DAB1: variants seen among roughly 807,000 people sequenced by gnomAD.
DAB1 encodes DAB adaptor protein 1, also known as disabled homolog 1.
Under a neutral mutation model 64.6 loss-of-function variants are expected in DAB1, and 15 were observed. The ratio of observed to expected loss-of-function variants is 0.23; its 90% CI spans 0.16 to 0.36. The LOEUF (loss-of-function observed/expected upper bound fraction) is 0.36. Ranked by LOEUF, DAB1 falls within the 10% of genes least tolerant of loss-of-function variation. DAB1 has a pLI of 1.00. For missense variants in DAB1, 596 were observed against 706.7 expected (o/e 0.84, Z 1.78); for synonymous variants, 235 against 251.9 (o/e 0.93, Z 0.64).
chr1:58,133,153 T>G (rs1216667856), intron 5 of DAB1, among the ~76,000 whole-genome samples: 1 of 152,246 alleles, frequency 6.6e-6, no homozygotes, highest in Non-Finnish European at 1.5e-5. Context: ...ACACAAGGGC[T>G]TTCTGTTCTG....
intron 7 of DAB1, among the ~76,000 whole-genome samples, chr1:57,506,700 C>T (rs957838933): frequency 6.6e-6 from 1 of 152,156 alleles, no homozygotes; most frequent in African/African-American, 2.4e-5. Flanking sequence ...GTCCCTCTCA[C>T]ATTTCAAACC....
intron 3 of DAB1, chr1:58,415,392 T>C: frequency 4.1e-6 from 1 of 243,734 alleles, no homozygotes. Context: ...TACTGAAGGT[T>C]TTAATAAAAG....
In DAB1 at chr1:57,037,625, A is replaced by G. The variant is rs555359725; in HGVS notation, c.724-11582T>C. Among the ~76,000 whole-genome samples the G allele has an allele frequency of 3.9e-5, 6 of 152,394 alleles. No homozygotes were observed. In the South Asian group the frequency reaches 1.2e-3, roughly 32 times the overall value. ...CTACAGATTCCAGGCATCTGAATGC[A>G]TGTTACATTTCCCTAATGAAGGATT... On this transcript the variant is annotated intron_variant, in intron 9 of 14. Transcript: ENST00000371236.
intron 3 of DAB1, among the ~76,000 whole-genome samples, chr1:58,359,839 G>C (rs1297018065): frequency 6.6e-6 from 1 of 152,194 alleles, no homozygotes; most frequent in East Asian, 1.9e-4. Context: ...TCATGGCACT[G>C]AAAGTGTACA....
chr1:58,313,819 ATGTGTGTGTGTGTGTGTG>A (rs35817738), intron 4 of DAB1, among the ~76,000 whole-genome samples: 1 of 119,976 alleles, frequency 8.3e-6, no homozygotes, highest in Non-Finnish European at 1.7e-5. Flanking sequence ...TTGTATCTTC[ATGTGTGTGTGTGTGTGTG>A]TGTGTGTGTG....
chr1:57,574,334 C>T (rs1276698948), intron 7 of DAB1, among the ~76,000 whole-genome samples: 3 of 152,098 alleles, frequency 2.0e-5, no homozygotes, highest in African/African-American at 7.2e-5. Flanking sequence ...GGCTGCTGCT[C>T]AACAGGATGT....
intron 4 of DAB1, among the ~76,000 whole-genome samples, chr1:58,266,578 G>C (rs1042678944): frequency 6.6e-6 from 1 of 152,118 alleles, no homozygotes; most frequent in African/African-American, 2.4e-5. Context: ...AAAGTTGCAA[G>C]CATTTTTAAA....
Position 57,865,470 on chromosome 1 carries a change from A to G in DAB1, n.87+18529T>C, listed in dbSNP as rs564999274. Reference sequence around the variant, plus strand: ...ATATGTTGGTCTCCCTGAGCCACACACCCAACTTCAAATCATGCCATTCTT... The same window carrying G: ...ATATGTTGGTCTCCCTGAGCCACACGCCCAACTTCAAATCATGCCATTCTT... On this transcript the variant is annotated intron_variant and non_coding_transcript_variant, in intron 1 of 1. Transcript: ENST00000477280. Among the ~76,000 whole-genome samples, 79 of 152,166 alleles carry G rather than the reference A, an allele frequency of 5.2e-4. 1 individual carries two copies. The South Asian group carries it at 6.9e-3, about 13-fold the overall frequency.
intron 3 of DAB1, among the ~76,000 whole-genome samples, chr1:58,414,785 A>T (rs890598851): frequency 2.2e-4 from 34 of 152,306 alleles, no homozygotes; most frequent in Admixed American, 1.8e-3. Flanking sequence ...AATTAAAAAA[A>T]AATAAAAAGA....
chr1:57,050,687 C>T (rs1189347917), intron 9 of DAB1, among the ~76,000 whole-genome samples: 3 of 152,318 alleles, frequency 2.0e-5, no homozygotes, highest in African/African-American at 7.2e-5. Flanking sequence ...ACTATGCTCT[C>T]ATAGCATCTT....
chr1:57,981,066 C>A (rs12046155), intron 5 of DAB1, among the ~76,000 whole-genome samples: 5,773 of 151,968 alleles, frequency 0.038, 200 homozygotes, highest in East Asian at 0.12. Flanking sequence ...AGTATTTAAA[C>A]ACTTCAATTC....
At chr1:58,441,278 C>T (rs1645005054) in intron 3 of DAB1, among the ~76,000 whole-genome samples, 1 of 152,140 alleles carries the variant, frequency 6.6e-6, no homozygotes, top group South Asian at 2.1e-4. Flanking sequence ...AAGAACTTGC[C>T]CTCCGACCAA....
chr1:57,839,163 G>A (rs1207150409), intron 1 of DAB1, among the ~76,000 whole-genome samples: 2 of 151,922 alleles, frequency 1.3e-5, no homozygotes, highest in Non-Finnish European at 2.9e-5. Flanking sequence ...TGCAAACCAA[G>A]CACTAGAAAC....
At chr1:57,938,056 T>C (rs1239244529) in intron 5 of DAB1, among the ~76,000 whole-genome samples, 3 of 152,226 alleles carry the variant, frequency 2.0e-5, no homozygotes, top group Admixed American at 1.3e-4. Flanking sequence ...TAGCTGTGAC[T>C]TGCACTAAGC....
At chr1:57,736,255 G>A (rs1463172778) in intron 6 of DAB1, among the ~76,000 whole-genome samples, 1 of 152,122 alleles carries the variant, frequency 6.6e-6, no homozygotes, top group Non-Finnish European at 1.5e-5. Flanking sequence ...TTGGTGTTCA[G>A]GGAAGCCAGA....
At chr1:58,321,031 C>CCTTG (rs1662669129) in intron 4 of DAB1, among the ~76,000 whole-genome samples, 1 of 152,214 alleles carries the variant, frequency 6.6e-6, no homozygotes, top group Non-Finnish European at 1.5e-5. Context: ...GTGACTTAGC[C>CCTTG]CTTGGCTCTA....
chr1:57,267,276 T>C (rs1362828973), intron 2 of DAB1, among the ~76,000 whole-genome samples: 1 of 150,218 alleles, frequency 6.7e-6, no homozygotes, highest in Non-Finnish European at 1.5e-5. Flanking sequence ...AGGGAGTGAG[T>C]GCAACCCTGC....
intron 4 of DAB1, among the ~76,000 whole-genome samples, chr1:58,180,115 C>T (rs1240314646): frequency 6.6e-6 from 1 of 151,630 alleles, no homozygotes; most frequent in East Asian, 1.9e-4. Context: ...ACAGATTTTG[C>T]TATCTGTAAG....
At chr1:58,479,440 CTAGA>C (rs1645451042) in intron 3 of DAB1, among the ~76,000 whole-genome samples, 1 of 152,136 alleles carries the variant, frequency 6.6e-6, no homozygotes, top group Non-Finnish European at 1.5e-5. Context: ...TTCTTAACAA[CTAGA>C]TATTTTGTCC....
Sources: allele counts gnomAD v4.1 joint callset (sites outside exome capture counted in the v4.1 genomes callset), GRCh38; gene constraint gnomAD v4.1.1; transcripts MANE v1.5; gene names NCBI Gene and HGNC (gene_info 2026-07-23, HGNC 2026-07-21).